The following ANO3 variants were observed in gnomAD, a reference collection of about 807,000 sequenced individuals.
The protein encoded by ANO3 is anoctamin 3, also known as anoctamin-3.
In ANO3, 99 loss-of-function variants were observed where a neutral mutation model predicts 144.8. The observed-to-expected ratio is 0.68, with a 90% CI of 0.58 to 0.81. The LOEUF (loss-of-function observed/expected upper bound fraction) is 0.81. Among genes scored for constraint, ANO3 ranks in the 30% least tolerant of loss-of-function variants. The pLI is 0.00. For missense variants in ANO3, 905 were observed against 1,202.2 expected (o/e 0.75, Z 3.66); for synonymous variants, 414 against 392.6 (o/e 1.05, Z -0.64).
rs1309418885 is a variant in ANO3, at chr11:26,662,198, A to G, written c.*1754A>G. 1 of 152,014 alleles carries G rather than the reference A, an allele frequency of 6.6e-6. No individual in the cohort carries two copies. Among genetic ancestry groups the G allele is most frequent in the Non-Finnish European group, 1.5e-5 (1 of 67,992 alleles). The allele number at this position is 152,014 out of a possible 1,614,324, so 9.4% of individuals were successfully genotyped here. A position where few individuals can be genotyped will look rare whatever the true frequency, so the allele number is the denominator to read the frequency against. ...TTCATTGTTTGTTTTTGTCAAGCATATTCACTTTCCTCCTTGTCCTCTGAT... is the reference window on the plus strand; with the variant it reads ...TTCATTGTTTGTTTTTGTCAAGCATGTTCACTTTCCTCCTTGTCCTCTGAT... On this transcript the variant is annotated 3_prime_UTR_variant, in exon 27 of 27. Coordinates refer to ENST00000256737, the MANE Select transcript of ANO3 (RefSeq NM_031418.4).
chr11:26,630,646 A>G (rs952718652), intron 18 of ANO3, among the ~76,000 whole-genome samples: 1 of 152,158 alleles, frequency 6.6e-6, no homozygotes, highest in Non-Finnish European at 1.5e-5. Flanking sequence ...CCTCATTGTT[A>G]AGTTTTTGGA....
At chr11:26,379,333 G>A (rs1035632913) in intron 1 of ANO3, among the ~76,000 whole-genome samples, 1 of 152,210 alleles carries the variant, frequency 6.6e-6, no homozygotes, top group Non-Finnish European at 1.5e-5. Flanking sequence ...TTAAACAGTA[G>A]TGTGATGTGA....
At chr11:26,391,040 C>T (rs527631453) in intron 1 of ANO3, among the ~76,000 whole-genome samples, 1 of 152,286 alleles carries the variant, frequency 6.6e-6, no homozygotes. Context: ...TCTTCCACCA[C>T]AACTTTGCCA....
chr11:26,415,174 A>T (rs1456846385), intron 1 of ANO3, among the ~76,000 whole-genome samples: 1 of 151,770 alleles, frequency 6.6e-6, no homozygotes, highest in Non-Finnish European at 1.5e-5. Flanking sequence ...ATATTCCCAG[A>T]CTTGTCCTAA....
Position 26,313,040 on chromosome 11 carries a change from T to C in ANO3, c.-3+3321T>C, listed in dbSNP as rs1011087466. On this transcript the variant is annotated intron_variant, in intron 1 of 26. Coordinates refer to the ANO3 transcript ENST00000525139. Reference sequence around the variant, plus strand: ...TATTGTTTCAAATCAGTTGTTCCTATTGCTGTTTTGTTCTTATAATGCAAC... The same window carrying C: ...TATTGTTTCAAATCAGTTGTTCCTACTGCTGTTTTGTTCTTATAATGCAAC... Among the ~76,000 whole-genome samples, 5 of 152,234 alleles carry C rather than the reference T, an allele frequency of 3.3e-5. No homozygotes were observed. In the East Asian group the frequency reaches 7.7e-4, roughly 23 times the overall value.
At chr11:26,401,270 A>G (rs182419064) in intron 1 of ANO3, among the ~76,000 whole-genome samples, 1 of 152,094 alleles carries the variant, frequency 6.6e-6, no homozygotes, top group East Asian at 1.9e-4. Context: ...CTCTAAAAGA[A>G]TTCCCTCCAT....
At chr11:26,597,949 C>T (rs968572927) in intron 14 of ANO3, among the ~76,000 whole-genome samples, 1 of 152,088 alleles carries the variant, frequency 6.6e-6, no homozygotes, top group South Asian at 2.1e-4. Context: ...TTCTTTTGTT[C>T]TCTCTCCTAC....
chr11:26,188,815 T>C (rs1292633747), upstream of ANO3, among the ~76,000 whole-genome samples: 1 of 152,156 alleles, frequency 6.6e-6, no homozygotes, highest in Non-Finnish European at 1.5e-5. Context: ...ACCAGCTTAC[T>C]AAAAGCATCT....
intron 1 of ANO3, among the ~76,000 whole-genome samples, chr11:26,373,592 T>C (rs1319048182): frequency 1.3e-5 from 2 of 152,192 alleles, no homozygotes; most frequent in Non-Finnish European, 2.9e-5. Context: ...TAGGACTAAA[T>C]AGTTCTGGTT....
intron 1 of ANO3, among the ~76,000 whole-genome samples, chr11:26,349,573 G>C (rs1372522263): frequency 1.3e-5 from 2 of 152,050 alleles, no homozygotes; most frequent in Non-Finnish European, 2.9e-5. Flanking sequence ...TTTTGAGACA[G>C]AGTCTTGCTC....
chr11:26,407,076 G>GTATATATATATA (rs374806519), intron 1 of ANO3, among the ~76,000 whole-genome samples: 7 of 101,504 alleles, frequency 6.9e-5, no homozygotes, highest in African/African-American at 1.9e-4. Context: ...GTGTGTGTGT[G>GTATATATATATA]TATATATATA....
At chr11:26,583,894 A>T (rs1439616905) in intron 14 of ANO3, among the ~76,000 whole-genome samples, 1 of 152,190 alleles carries the variant, frequency 6.6e-6, no homozygotes. Context: ...AGAAGGCTTC[A>T]AGTCTTTAAC....
At chr11:26,398,979 C>T (rs1013051329) in intron 1 of ANO3, among the ~76,000 whole-genome samples, 2 of 151,920 alleles carry the variant, frequency 1.3e-5, no homozygotes, top group Non-Finnish European at 2.9e-5. Flanking sequence ...TAATGACAGA[C>T]AGGCCACTGC....
At chr11:26,639,311 G>C in intron 21 of ANO3, 70 bp downstream of exon 21, 1 of 1,168,900 alleles carries the variant, frequency 8.6e-7, no homozygotes, top group East Asian at 2.4e-5. Flanking sequence ...GGCGTGAGTA[G>C]TGCTTAAGAA....
At chr11:26,219,596 C>T (rs1001556403) in intron 1 of ANO3, among the ~76,000 whole-genome samples, 8 of 152,170 alleles carry the variant, frequency 5.3e-5, no homozygotes, top group African/African-American at 1.9e-4. Context: ...AAAGAGAGCA[C>T]CTCATCAAAG....
intron 3 of ANO3, among the ~76,000 whole-genome samples, chr11:26,459,316 C>T (rs1452843983): frequency 1.3e-5 from 2 of 151,930 alleles, no homozygotes; most frequent in African/African-American, 4.8e-5. Context: ...TTAAAAGGGC[C>T]ACCCTGGCTA....
chr11:26,554,527 A>T (rs143539593), intron 13 of ANO3, among the ~76,000 whole-genome samples: 4 of 152,124 alleles, frequency 2.6e-5, no homozygotes, highest in African/African-American at 9.7e-5. Flanking sequence ...CCATGTGTTT[A>T]TATCTTTTAC....
chr11:26,479,796 G>T (rs891569908), intron 4 of ANO3, among the ~76,000 whole-genome samples: 1 of 151,976 alleles, frequency 6.6e-6, no homozygotes, highest in African/African-American at 2.4e-5. Context: ...TGAAAGGGAG[G>T]GTATAAGAGA....
intron 3 of ANO3, among the ~76,000 whole-genome samples, chr11:26,448,196 G>C (rs1858776718): frequency 6.6e-6 from 1 of 152,066 alleles, no homozygotes; most frequent in Admixed American, 6.5e-5. Flanking sequence ...CTACTAGGGA[G>C]GCTGAGGCAG....
Sources: allele counts gnomAD v4.1 joint callset (sites outside exome capture counted in the v4.1 genomes callset), GRCh38; gene constraint gnomAD v4.1.1; transcripts MANE v1.5; gene names NCBI Gene and HGNC (gene_info 2026-07-23, HGNC 2026-07-21).